The following DLG2 variants were observed in gnomAD, a reference collection of about 807,000 sequenced individuals.
DLG2 encodes disks large homolog 2.
A neutral mutation model predicts 132.5 loss-of-function variants in DLG2; 45 were observed. The ratio of observed to expected loss-of-function variants is 0.34; its 90% CI spans 0.27 to 0.44. The LOEUF is 0.44. Ranked by LOEUF, DLG2 falls within the 20% of genes least tolerant of loss-of-function variation. The pLI is 1.00. For missense variants in DLG2, 1,045 were observed against 1,196.9 expected, an observed-to-expected ratio of 0.87 and a Z score of 1.87; for synonymous variants, 424 against 419.6, an observed-to-expected ratio of 1.01 and a Z score of -0.13.
chr11:84,154,050 T>G (rs1448840375), intron 9 of DLG2, among the ~76,000 whole-genome samples: 1 of 152,192 alleles, frequency 6.6e-6, no homozygotes, highest in Non-Finnish European at 1.5e-5. Flanking sequence ...CAGGCTGGAG[T>G]GCAGTGGTGT....
intron 7 of DLG2, among the ~76,000 whole-genome samples, chr11:84,264,636 C>T (rs1033003925): frequency 1.5e-4 from 23 of 152,266 alleles, no homozygotes; most frequent in African/African-American, 5.3e-4. Flanking sequence ...CTTCTGTGCT[C>T]TCAGACTCCT....
At chr11:83,556,688 A>G (rs1425240538) in intron 19 of DLG2, among the ~76,000 whole-genome samples, 1 of 152,112 alleles carries the variant, frequency 6.6e-6, no homozygotes. Flanking sequence ...CATTTTTTGC[A>G]TGTTAGCAAA....
chr11:83,925,394 A>G (rs1239622676), intron 15 of DLG2, among the ~76,000 whole-genome samples: 15 of 152,152 alleles, frequency 9.9e-5, no homozygotes, highest in African/African-American at 3.6e-4. Flanking sequence ...AACTCTGTTA[A>G]GTTTAATTTC....
intron 3 of DLG2, among the ~76,000 whole-genome samples, chr11:85,334,844 C>G (rs1344406963): frequency 6.6e-6 from 1 of 152,022 alleles, no homozygotes; most frequent in Non-Finnish European, 1.5e-5. Flanking sequence ...TATGGCTGAG[C>G]ATGTGGTCAA....
intron 6 of DLG2, among the ~76,000 whole-genome samples, chr11:84,788,305 G>A (rs912078241): frequency 6.6e-6 from 1 of 151,942 alleles, no homozygotes; most frequent in Non-Finnish European, 1.5e-5. Flanking sequence ...TCCTATGTAA[G>A]TACTACGACC....
chr11:85,366,758 A>G (rs2084587729), intron 3 of DLG2, among the ~76,000 whole-genome samples: 1 of 152,100 alleles, frequency 6.6e-6, no homozygotes, highest in Admixed American at 6.6e-5. Context: ...CGTTGGATTT[A>G]TTTTCTTCCC....
intron 19 of DLG2, among the ~76,000 whole-genome samples, chr11:83,614,844 A>C (rs921424898): frequency 6.6e-6 from 1 of 152,196 alleles, no homozygotes; most frequent in Non-Finnish European, 1.5e-5. Context: ...TTCCAGCAAA[A>C]GATTAAGTTC....
intron 4 of DLG2, among the ~76,000 whole-genome samples, chr11:85,201,914 T>A (rs1157004547): frequency 2.0e-5 from 3 of 151,352 alleles, no homozygotes; most frequent in East Asian, 3.9e-4. Flanking sequence ...ATAAAAAAAA[T>A]TCTAGAGCTT....
chr11:83,535,360 C>A (rs191675992), intron 20 of DLG2, among the ~76,000 whole-genome samples: 315 of 152,268 alleles, frequency 2.1e-3, no homozygotes, highest in African/African-American at 7.3e-3. Flanking sequence ...AGAACTCACA[C>A]AGGTTCCAAA....
chr11:85,565,418 T>C (rs1467463923), intron 3 of DLG2, among the ~76,000 whole-genome samples: 1 of 152,100 alleles, frequency 6.6e-6, no homozygotes, highest in East Asian at 1.9e-4. Context: ...TGATTTTTAG[T>C]ATATTCACAA....
chr11:84,538,244 C>CA (rs2099360101), intron 6 of DLG2, among the ~76,000 whole-genome samples: 1 of 152,156 alleles, frequency 6.6e-6, no homozygotes, highest in African/African-American at 2.4e-5. Flanking sequence ...GCCAAAGGCA[C>CA]AACATGTGAA....
chr11:84,444,462 T>C (rs1357437052), intron 7 of DLG2, among the ~76,000 whole-genome samples: 14 of 152,238 alleles, frequency 9.2e-5, no homozygotes, highest in Non-Finnish European at 1.6e-4. Flanking sequence ...CCCATATGTA[T>C]GGCCAGTTTT....
chr11:84,611,208 T>C (rs2099595032), intron 6 of DLG2, among the ~76,000 whole-genome samples: 1 of 152,184 alleles, frequency 6.6e-6, no homozygotes, highest in South Asian at 2.1e-4. Flanking sequence ...TTGTCCTTAG[T>C]ACCAATCAAA....
At chr11:84,477,830 C>A (rs1445099667) in intron 7 of DLG2, among the ~76,000 whole-genome samples, 1 of 152,128 alleles carries the variant, frequency 6.6e-6, no homozygotes, top group Non-Finnish European at 1.5e-5. Flanking sequence ...AAACAAGTTT[C>A]ACATTCTGAT....
chr11:83,548,012 T>C (rs909631787), intron 19 of DLG2, among the ~76,000 whole-genome samples: 1 of 152,132 alleles, frequency 6.6e-6, no homozygotes, highest in African/African-American at 2.4e-5. Flanking sequence ...ATACTTCTTA[T>C]GGAAATCTGG....
At chr11:85,479,203 T>C (rs952658035) in intron 3 of DLG2, among the ~76,000 whole-genome samples, 1 of 152,214 alleles carries the variant, frequency 6.6e-6, no homozygotes, top group East Asian at 1.9e-4. Flanking sequence ...CTCTGACTTA[T>C]GAACAATAAA....
intron 3 of DLG2, among the ~76,000 whole-genome samples, chr11:85,304,479 G>A (rs72950181): frequency 0.048 from 7,247 of 151,936 alleles, 220 homozygotes; most frequent in East Asian, 0.094. Context: ...CAATATTTTT[G>A]AAAAAGAGAT....
intron 6 of DLG2, among the ~76,000 whole-genome samples, chr11:84,733,779 C>T (rs571039668): frequency 3.4e-4 from 52 of 152,040 alleles, no homozygotes; most frequent in African/African-American, 1.0e-3. Context: ...AGGTCTAACA[C>T]TTAAGTCTTT....
At chr11:83,766,733 CTCA>C (rs2153779248) in intron 18 of DLG2, among the ~76,000 whole-genome samples, 1 of 152,198 alleles carries the variant, frequency 6.6e-6, no homozygotes, top group East Asian at 1.9e-4. Context: ...ACTTGATTCT[CTCA>C]TCATCTTTTA....
Sources: allele counts gnomAD v4.1 joint callset (sites outside exome capture counted in the v4.1 genomes callset), GRCh38; gene constraint gnomAD v4.1.1; transcripts MANE v1.5; gene names NCBI Gene and HGNC (gene_info 2026-07-23, HGNC 2026-07-21).